Variants in GCKR observed in about 807,000 individuals in gnomAD.
GCKR encodes glucokinase regulator, also known as glucokinase regulatory protein.
A neutral mutation model predicts 82.9 loss-of-function variants in GCKR; 73 were observed. The observed-to-expected ratio is 0.88, with a 90% confidence interval of 0.73 to 1.07. The LOEUF (loss-of-function observed/expected upper bound fraction) is 1.07. Among genes scored for constraint, GCKR ranks in the 50% least tolerant of loss-of-function variants. GCKR has a pLI of 0.00. For synonymous variants in GCKR, 294 were observed against 291.8 expected (o/e 1.01, Z -0.08); for missense variants, 784 against 782.1 (o/e 1.00, Z -0.03).
rs537585051 is a variant in GCKR, at chr2:27,518,866, C to T, written c.1501C>T (p.Leu501=). The change falls in exon 17 of 19, where the codon CTA becomes TTA. Residue 501 remains leucine, a synonymous_variant. Transcript: ENST00000264717. The part of the protein sequence containing the change: ...TGAHVLLGKI[L]QNHMLDLRIS... Reference sequence around the variant, plus strand: ...TGCTCATGTGCTTCTTGGTAAGATCCTACAAAACCACATGTTGGACCTTCG... The same window carrying T: ...TGCTCATGTGCTTCTTGGTAAGATCTTACAAAACCACATGTTGGACCTTCG... 1.5e-4 allele frequency: 248 copies of T among 1,611,036 alleles called. 2 individuals carry two copies. The South Asian group carries it at 2.6e-3, about 17-fold the overall frequency.
In GCKR at chr2:27,523,296, C is replaced by G. The variant is rs890625092; in HGVS notation, c.1735C>G (p.Leu579Val). The change falls in exon 19 of 19, where the codon CTA becomes GTA. Residue 579 changes from leucine (L) to valine (V), a missense_variant. Physicochemically the swap from Leu to Val is conservative, Grantham distance 32. Coordinates refer to ENST00000264717, the MANE Select transcript of GCKR (RefSeq NM_001486.4). ...QVIPIALLSLLFRCSITEAQA... is the reference protein window; with the variant it reads ...QVIPIALLSLVFRCSITEAQA... ...GATACCCATCGCCTTGCTGAGCCTC[C>G]TATTCCGGTGCTCGATCACTGAGGC... 6.2e-7 allele frequency: 1 copy of G among 1,613,066 alleles called. No individual in the cohort carries two copies. The highest frequency in any genetic ancestry group is 8.5e-7 in the Non-Finnish European group (1 of 1,179,864).
chr2:27,522,831 C>G (rs1346331721), intron 18 of GCKR, among the ~76,000 whole-genome samples: 1 of 151,954 alleles, frequency 6.6e-6, no homozygotes, highest in Non-Finnish European at 1.5e-5. Flanking sequence ...TTAATAACAT[C>G]CTATTTGCAT....
At chr2:27,509,201 A>G (rs891027781) in intron 16 of GCKR, among the ~76,000 whole-genome samples, 35 of 152,174 alleles carry the variant, frequency 2.3e-4, no homozygotes, top group Non-Finnish European at 4.6e-4. Flanking sequence ...CTTATTCGTT[A>G]TTCAAACCAT....
In GCKR at chr2:27,498,016, G is replaced by T. The variant is rs544095816; in HGVS notation, c.286-239G>T. ...TATTTAGATGACAAAGCTGCTTTCAGTTCTTTCTGGGAGAAGTAAGGATTT... is the reference window on the plus strand; with the variant it reads ...TATTTAGATGACAAAGCTGCTTTCATTTCTTTCTGGGAGAAGTAAGGATTT... On this transcript the variant is annotated intron_variant, in intron 3 of 18. Transcript: ENST00000264717. Among the ~76,000 whole-genome samples the T allele has an allele frequency of 1.2e-3, 185 of 152,320 alleles. 1 individual carries two copies. The highest frequency in any genetic ancestry group is 2.0e-3 in the Non-Finnish European group (138 of 68,026).
At chr2:27,508,331 GT>G in intron 16 of GCKR, 80 bp downstream of exon 16, 1 of 988,244 alleles carries the variant, frequency 1.0e-6, no homozygotes, top group Non-Finnish European at 1.6e-6. Context: ...ACCCAAGGCT[GT>G]AGGGCAGAAA....
chr2:27,507,165 C>T, intron 12 of GCKR, 70 bp from the exon 13 acceptor site: 1 of 1,082,712 alleles, frequency 9.2e-7, no homozygotes, highest in Non-Finnish European at 1.4e-6. Context: ...CATTTTCTCC[C>T]CCTGAAGCCT....
chr2:27,519,257 T>C (rs1289013990), intron 17 of GCKR, among the ~76,000 whole-genome samples: 1 of 152,094 alleles, frequency 6.6e-6, no homozygotes, highest in Non-Finnish European at 1.5e-5. Flanking sequence ...TCTAATGTGT[T>C]CCAGAACTTT....
At chr2:27,517,822 G>C (rs1670046831) in intron 16 of GCKR, among the ~76,000 whole-genome samples, 1 of 152,122 alleles carries the variant, frequency 6.6e-6, no homozygotes, top group South Asian at 2.1e-4. Flanking sequence ...CCTTTACATA[G>C]GTTCTCTCAT....
At chr2:27,512,807 T>C (rs763702939) in intron 16 of GCKR, among the ~76,000 whole-genome samples, 1 of 152,216 alleles carries the variant, frequency 6.6e-6, no homozygotes, top group Non-Finnish European at 1.5e-5. Flanking sequence ...TTTCCTTTAC[T>C]CCAGATGAGT....
At chr2:27,504,944 G>C (rs754708105) in intron 9 of GCKR, among the ~76,000 whole-genome samples, 1 of 151,874 alleles carries the variant, frequency 6.6e-6, no homozygotes, top group Middle Eastern at 3.4e-3. Context: ...TGGCTAACAT[G>C]GTGAAACCAC....
intron 4 of GCKR, 77 bp from the exon 5 acceptor site, chr2:27,498,647 C>T: frequency 1.1e-6 from 1 of 880,498 alleles, no homozygotes; most frequent in East Asian, 2.4e-5. Context: ...ATAGTCTCTG[C>T]CCTCTAGGAG....
intron 17 of GCKR, among the ~76,000 whole-genome samples, chr2:27,520,681 A>G (rs1299728526): frequency 6.6e-6 from 1 of 152,236 alleles, no homozygotes; most frequent in Non-Finnish European, 1.5e-5. Context: ...AATTAAATGT[A>G]ACTTTAATAT....
At position 27,522,527 on chromosome 2, in the gene GCKR, C is replaced by T. The variant is rs1014478138; in HGVS notation, c.1640C>T (p.Pro547Leu). ...SLLRAIHFPQ[P>L]LSDDIRAAPI... is the part of the protein sequence containing the mutation. ...CTCCGAGCGATCCACTTTCCCCAGC[C>T]ACTGTCAGATGATATTCGGGCTGCT... The change falls in exon 18 of 19, where the codon CCA becomes CTA. Residue 547 changes from proline (P) to leucine (L), a missense_variant. Pro to Leu is a moderately conservative substitution (Grantham distance 98, BLOSUM62 -3). Coordinates refer to ENST00000264717, the MANE Select transcript of GCKR (RefSeq NM_001486.4). 11 of 1,613,860 alleles carry T rather than the reference C, an allele frequency of 6.8e-6. No individual in the cohort carries two copies. The African/African-American group carries it at 1.5e-4, about 22-fold the overall frequency.
chr2:27,497,113 T>A, intron 1 of GCKR, 131 bp from the exon 2 acceptor site: 1 of 1,254,400 alleles, frequency 8.0e-7, no homozygotes, highest in South Asian at 1.2e-5. Flanking sequence ...GCAGGCTGAG[T>A]TTCTGGTGTG....
At chr2:27,513,573 G>A (rs1172890409) in intron 16 of GCKR, among the ~76,000 whole-genome samples, 4 of 149,218 alleles carry the variant, frequency 2.7e-5, no homozygotes, top group South Asian at 2.1e-4. Context: ...TTCTCTCCCC[G>A]TCCTATCTAC....
chr2:27,507,840 T>G, intron 14 of GCKR, 63 bp downstream of exon 14: 3 of 1,199,480 alleles, frequency 2.5e-6, no homozygotes, highest in Non-Finnish European at 3.7e-6. Flanking sequence ...TCAGAGGAGC[T>G]GTTGTTTTTC....
Position 27,518,939 on chromosome 2 carries a change from T to TAGGG in GCKR, c.1572+4_1572+7dup. ...TGGCGGGCGCTGGCCATGCTGCAGG[T>TAGGG]AGGGATATGATGGGGCAGGGTTGGG... On this transcript the variant is annotated splice_region_variant and intron_variant, in intron 17 of 18. Coordinates refer to ENST00000264717, the MANE Select transcript of GCKR (RefSeq NM_001486.4). 1 of 1,608,736 alleles carries TAGGG rather than the reference T, an allele frequency of 6.2e-7. No individual in the cohort carries two copies. The highest frequency in any genetic ancestry group is 8.5e-7 in the Non-Finnish European group (1 of 1,176,288).
At chr2:27,498,924 A>T in intron 5 of GCKR, 127 bp downstream of exon 5, 2 of 746,836 alleles carry the variant, frequency 2.7e-6, no homozygotes, top group Non-Finnish European at 4.8e-6. Context: ...TTATTCCCTC[A>T]CACTTGGCCC....
chr2:27,507,173 C>G, intron 12 of GCKR, 62 bp from the exon 13 acceptor site: 1 of 1,163,122 alleles, frequency 8.6e-7, no homozygotes, highest in Non-Finnish European at 1.3e-6. Flanking sequence ...CCCCCTGAAG[C>G]CTAGAACCTT....
Sources: allele counts gnomAD v4.1 joint callset (sites outside exome capture counted in the v4.1 genomes callset), GRCh38; gene constraint gnomAD v4.1.1; transcripts MANE v1.5; gene names NCBI Gene and HGNC (gene_info 2026-07-23, HGNC 2026-07-21).